Variants in SLC1A7 observed in about 807,000 individuals in gnomAD.
The protein encoded by SLC1A7 is excitatory amino acid transporter 5.
A neutral mutation model predicts 47.7 loss-of-function variants in SLC1A7; 40 were observed. That is an observed-to-expected ratio of 0.84 (90% confidence interval 0.65 to 1.09). The LOEUF (loss-of-function observed/expected upper bound fraction) is 1.09. SLC1A7 is among the 50% of genes least tolerant of loss of function. The probability of loss-of-function intolerance (pLI) is 0.00; values close to 1 mark genes in which losing one functional copy is unlikely to be tolerated. For synonymous variants in SLC1A7, 323 were observed against 325.6 expected (o/e 0.99, Z 0.09); for missense variants, 746 against 769.5 (o/e 0.97, Z 0.36).
intron 3 of SLC1A7, among the ~76,000 whole-genome samples, chr1:53,106,851 TAA>T (rs1194970322): frequency 1.3e-5 from 2 of 151,886 alleles, no homozygotes; most frequent in African/African-American, 4.8e-5. Flanking sequence ...AAGAAATAAA[TAA>T]GTCTTTGAAA....
In SLC1A7 at chr1:53,142,625, A is replaced by C; in HGVS notation, c.-176T>G. On this transcript the variant is annotated 5_prime_UTR_variant, in exon 1 of 11. Transcript: ENST00000371494. ...CGTGTGGCCGCCTTAGAGGGAAGCCACAATCCTATTACCAGCTGCATCATT... is the reference window on the plus strand; with the variant it reads ...CGTGTGGCCGCCTTAGAGGGAAGCCCCAATCCTATTACCAGCTGCATCATT... 3.2e-6 allele frequency: 2 copies of C among 619,226 alleles called. No individual in the cohort carries two copies. The highest frequency in any genetic ancestry group is 5.5e-6 in the Non-Finnish European group (2 of 366,636). 38.4% of individuals were successfully genotyped at this position (619,226 alleles called of 1,614,324 possible).
intron 2 of SLC1A7, 188 bp from the exon 3 acceptor site, chr1:53,115,161 C>T (rs1178800565): frequency 3.8e-5 from 23 of 611,346 alleles, no homozygotes; most frequent in East Asian, 1.4e-4. Flanking sequence ...CCCCACGCCC[C>T]GGGGCGCAGG....
rs375077523 is a variant in SLC1A7 at position 53,090,781 on chromosome 1, T to G, written c.1057A>C (p.Lys353Gln). ...SSSATLPITF[K>Q]CLLENNHIDR... Reference sequence around the variant, plus strand: ...ATGTGGTTGTTCTCCAGCAGGCACTTGAAGGTGATGGGCAGTGTGGCTGAG... The same window carrying G: ...ATGTGGTTGTTCTCCAGCAGGCACTGGAAGGTGATGGGCAGTGTGGCTGAG... Residue 353 changes from lysine to glutamine, a missense_variant, in exon 8 of 11, where the codon AAG becomes CAG. Transcript: ENST00000371494. The G allele has an allele frequency of 7.4e-6, 12 of 1,612,676 alleles. No individual in the cohort carries two copies. Among genetic ancestry groups the G allele is most frequent in the Non-Finnish European group, 9.3e-6 (11 of 1,179,514 alleles).
intron 5 of SLC1A7, among the ~76,000 whole-genome samples, chr1:53,095,124 G>T (rs1220178093): frequency 6.6e-6 from 1 of 152,024 alleles, no homozygotes; most frequent in Non-Finnish European, 1.5e-5. Flanking sequence ...ACACGCTGAT[G>T]CGGGGACACA....
At chr1:53,127,694 A>G (rs987823319) in intron 2 of SLC1A7, among the ~76,000 whole-genome samples, 1 of 152,136 alleles carries the variant, frequency 6.6e-6, no homozygotes, top group African/African-American at 2.4e-5. Context: ...GGCCTTGATG[A>G]CCTACAGTGC....
At chr1:53,125,023 G>A (rs1005494332) in intron 2 of SLC1A7, among the ~76,000 whole-genome samples, 6 of 152,218 alleles carry the variant, frequency 3.9e-5, no homozygotes, top group African/African-American at 1.4e-4. Flanking sequence ...GTAGTGACAA[G>A]TGGCCTGCTC....
intron 2 of SLC1A7, among the ~76,000 whole-genome samples, chr1:53,132,229 GC>G (rs1305431473): frequency 6.6e-6 from 1 of 152,160 alleles, no homozygotes; most frequent in Non-Finnish European, 1.5e-5. Flanking sequence ...GGCCCAATCT[GC>G]TTTTCTCAAG....
At chr1:53,110,570 G>A (rs188602126) in intron 3 of SLC1A7, among the ~76,000 whole-genome samples, 1 of 152,256 alleles carries the variant, frequency 6.6e-6, no homozygotes, top group Non-Finnish European at 1.5e-5. Flanking sequence ...CTGGAGCCCC[G>A]CAGCCCCTGA....
At position 53,114,760 on chromosome 1, in the gene SLC1A7, G is replaced by T; in HGVS notation, c.429C>A (p.Ile143=). Residue 143 remains isoleucine, a splice_region_variant and synonymous_variant, in exon 3 of 11, where the codon ATC becomes ATA. Coordinates refer to ENST00000371494, the MANE Select transcript of SLC1A7 (RefSeq NM_006671.6). ...MSSADALLDL[I]RNMFPANLVE... ...GGGGTGTGGGTGGCAATAGTTACCG[G>T]ATGAGGTCCAACAGGGCATCGGCTG... is the stretch of plus-strand genomic sequence containing the variant. 2 of 1,613,504 alleles carry T rather than the reference G, an allele frequency of 1.2e-6. No individual in the cohort carries two copies. Among genetic ancestry groups the T allele is most frequent in the Non-Finnish European group, 1.7e-6 (2 of 1,179,608 alleles).
intron 9 of SLC1A7, 54 bp downstream of exon 9, chr1:53,089,746 A>T: frequency 6.3e-7 from 1 of 1,595,342 alleles, no homozygotes; most frequent in Non-Finnish European, 8.6e-7. Flanking sequence ...ATCCCTGCTG[A>T]CCCTGAAGTC....
At chr1:53,101,275 C>T (rs545911297) in intron 5 of SLC1A7, among the ~76,000 whole-genome samples, 6 of 146,198 alleles carry the variant, frequency 4.1e-5, no homozygotes, top group South Asian at 2.2e-4. Context: ...CACCTCGGTA[C>T]ACTCGCACAC....
At chr1:53,109,290 G>T in intron 3 of SLC1A7, among the ~76,000 whole-genome samples, 1 of 152,120 alleles carries the variant, frequency 6.6e-6, no homozygotes, top group East Asian at 1.9e-4. Flanking sequence ...TGAGAGGGTA[G>T]TTGGGAGCTA....
At chr1:53,112,646 G>A (rs1644712339) in intron 3 of SLC1A7, among the ~76,000 whole-genome samples, 1 of 152,188 alleles carries the variant, frequency 6.6e-6, no homozygotes, top group South Asian at 2.1e-4. Flanking sequence ...GAGGAATGTA[G>A]GGGCTGGTGC....
chr1:53,107,696 T>C (rs1191838593), intron 3 of SLC1A7, among the ~76,000 whole-genome samples: 1 of 152,214 alleles, frequency 6.6e-6, no homozygotes, highest in Non-Finnish European at 1.5e-5. Context: ...CTTGGCCTGG[T>C]TTCTACCTTC....
At chr1:53,089,426 A>G (rs1572289739) in intron 9 of SLC1A7, among the ~76,000 whole-genome samples, 1 of 152,220 alleles carries the variant, frequency 6.6e-6, no homozygotes, top group East Asian at 1.9e-4. Flanking sequence ...CACCAGTCCC[A>G]GCTAATTTTT....
intron 1 of SLC1A7, among the ~76,000 whole-genome samples, chr1:53,136,664 A>AT: frequency 2.1e-5 from 1 of 46,950 alleles, no homozygotes; most frequent in Admixed American, 4.9e-4. Flanking sequence ...ATATATATAT[A>AT]TATTTTTTTT....
At chr1:53,095,904 A>C (rs1644482673) in intron 5 of SLC1A7, among the ~76,000 whole-genome samples, 1 of 148,376 alleles carries the variant, frequency 6.7e-6, no homozygotes, top group Non-Finnish European at 1.5e-5. Flanking sequence ...CGGTACACTC[A>C]CACAACCCGC....
rs144392698 is a variant in SLC1A7, at chr1:53,114,815, G to A, written c.374C>T (p.Thr125Met). ...CATGATGGGCTTCCCACTCTGCTCC[G>A]TGGTCTCCTTCTGGGCCGCGCTGCC... ...HPGSAAQKET[T>M]EQSGKPIMSS... Residue 125 changes from threonine to methionine, a missense_variant, in exon 3 of 11, where the codon ACG (threonine) becomes ATG (methionine). Thr to Met is a moderately conservative substitution (Grantham distance 81). Transcript: ENST00000371494. 99 of 1,614,156 alleles carry A rather than the reference G, an allele frequency of 6.1e-5. No homozygotes were observed. Among genetic ancestry groups the A allele is most frequent in the Non-Finnish European group, 8.1e-5 (95 of 1,179,994 alleles).
Position 53,092,679 on chromosome 1 carries a change from G to A in SLC1A7, c.906C>T (p.Cys302=), listed in dbSNP as rs750126082. 11 of 1,613,832 alleles carry A rather than the reference G, an allele frequency of 6.8e-6. No homozygotes were observed. The highest frequency in any genetic ancestry group is 3.3e-5 in the South Asian group (3 of 91,092). The change falls in exon 7 of 11, where the codon TGC becomes TGT. Residue 302 remains cysteine (C), a synonymous_variant. Transcript: ENST00000371494. ...TAAAGAGCCCGTGGAGCACCAGCCC[G>A]CACACCACGGTGACTGAGTAGAAGC... ...KLGFYSVTVV[C]GLVLHGLFIL...
Sources: allele counts gnomAD v4.1 joint callset (sites outside exome capture counted in the v4.1 genomes callset), GRCh38; gene constraint gnomAD v4.1.1; transcripts MANE v1.5; gene names NCBI Gene and HGNC (gene_info 2026-07-23, HGNC 2026-07-21).